Variants in TSPAN9 observed in about 807,000 individuals in gnomAD.
TSPAN9 encodes the protein tetraspanin-9.
TSPAN9 carries 16 observed loss-of-function variants against 31.0 expected under a neutral mutation model. The ratio of observed to expected loss-of-function variants is 0.52; its 90% confidence interval spans 0.35 to 0.78. The LOEUF is 0.78. Ranked by LOEUF, TSPAN9 falls within the 30% of genes least tolerant of loss-of-function variation. The pLI is 0.01. For missense variants in TSPAN9, 272 were observed against 312.5 expected, an observed-to-expected ratio of 0.87 and a Z score of 0.98; for synonymous variants, 145 against 121.6, an observed-to-expected ratio of 1.19 and a Z score of -1.27.
intron 2 of TSPAN9, among the ~76,000 whole-genome samples, chr12:3,150,211 T>C (rs1011768092): frequency 9.8e-5 from 15 of 152,376 alleles, no homozygotes; most frequent in African/African-American, 3.6e-4. Context: ...TCGGTCTGTT[T>C]CCGCCCCTCT....
intron 3 of TSPAN9, among the ~76,000 whole-genome samples, chr12:3,204,139 T>C (rs930193813): frequency 6.6e-6 from 1 of 152,096 alleles, no homozygotes. Context: ...GTGGCTCAGA[T>C]CCAAAAAGGA....
intron 2 of TSPAN9, 86 bp from the exon 3 acceptor site, chr12:3,201,087 AGGCC>A: frequency 1.6e-6 from 2 of 1,254,592 alleles, no homozygotes; most frequent in Non-Finnish European, 2.3e-6. Flanking sequence ...AGCCGCGCCG[AGGCC>A]GGCGTTAAGA....
intron 3 of TSPAN9, among the ~76,000 whole-genome samples, chr12:3,255,136 C>T (rs139544066): frequency 3.3e-4 from 50 of 152,328 alleles, no homozygotes; most frequent in African/African-American, 1.2e-3. Context: ...TAGCAAGGCA[C>T]GCAGCTGAGC....
At chr12:3,258,192 A>AG (rs2153978765) in intron 3 of TSPAN9, among the ~76,000 whole-genome samples, 1 of 152,256 alleles carries the variant, frequency 6.6e-6, no homozygotes, top group African/African-American at 2.4e-5. Context: ...AGAGAGGTGC[A>AG]GGGATGGCTT....
At chr12:3,175,592 C>T (rs1009019328) in intron 2 of TSPAN9, among the ~76,000 whole-genome samples, 22 of 146,198 alleles carry the variant, frequency 1.5e-4, no homozygotes, top group African/African-American at 4.8e-4. Context: ...AGAGCAAGAG[C>T]TGCACTTCCC....
At chr12:3,086,729 GCTAA>G (rs2098300701) in intron 2 of TSPAN9, among the ~76,000 whole-genome samples, 1 of 152,208 alleles carries the variant, frequency 6.6e-6, no homozygotes, top group South Asian at 2.1e-4. Flanking sequence ...TAGGATTGCT[GCTAA>G]CTCTCACAGC....
intron 3 of TSPAN9, among the ~76,000 whole-genome samples, chr12:3,259,114 A>G (rs1201328940): frequency 6.6e-6 from 1 of 152,206 alleles, no homozygotes; most frequent in Non-Finnish European, 1.5e-5. Flanking sequence ...TGCTGCTATC[A>G]TTTTCATTTT....
chr12:3,241,481 A>G (rs1221296978), intron 3 of TSPAN9, among the ~76,000 whole-genome samples: 1 of 152,260 alleles, frequency 6.6e-6, no homozygotes, highest in African/African-American at 2.4e-5. Flanking sequence ...GAAAAATGGT[A>G]TATGGTATGC....
chr12:3,224,341 A>G (rs2098386051), intron 3 of TSPAN9, among the ~76,000 whole-genome samples: 1 of 152,236 alleles, frequency 6.6e-6, no homozygotes, highest in South Asian at 2.1e-4. Context: ...AGGCGCCCTC[A>G]CGGGCTGGTG....
intron 3 of TSPAN9, among the ~76,000 whole-genome samples, chr12:3,270,774 C>T (rs543333777): frequency 1.3e-5 from 2 of 152,390 alleles, no homozygotes; most frequent in East Asian, 1.9e-4. Flanking sequence ...TCTCCTTCAT[C>T]GTGGACTCTT....
At chr12:3,230,432 G>A (rs2098390074) in intron 3 of TSPAN9, among the ~76,000 whole-genome samples, 1 of 151,878 alleles carries the variant, frequency 6.6e-6, no homozygotes, top group Non-Finnish European at 1.5e-5. Context: ...CTTTTTCCCT[G>A]CCTGCCTTCA....
Position 3,280,485 on chromosome 12 carries a change from T to A in TSPAN9, c.432+2T>A. On this transcript the variant is annotated splice_donor_variant, in intron 6 of 8. Transcript: ENST00000011898. LOFTEE classifies it high-confidence loss of function. The surrounding 1 kb of genome is among the most constrained non-coding windows in gnomAD (Gnocchi z 4.5). Reference sequence around the variant, plus strand: ...GCCTGGAACATCATCCAGGCTGAGGTGCGGGCTGGGCCGCCCTGGTGGGGC... The same window carrying A: ...GCCTGGAACATCATCCAGGCTGAGGAGCGGGCTGGGCCGCCCTGGTGGGGC... 6.2e-7 allele frequency: 1 copy of A among 1,609,966 alleles called. No individual in the cohort carries two copies. Among genetic ancestry groups the A allele is most frequent in the Non-Finnish European group, 8.5e-7 (1 of 1,179,470 alleles).
chr12:3,100,076 C>A (rs1182676453), intron 2 of TSPAN9, among the ~76,000 whole-genome samples: 1 of 152,008 alleles, frequency 6.6e-6, no homozygotes, highest in Non-Finnish European at 1.5e-5. Flanking sequence ...CTCCTGACCT[C>A]ATGGTGATCC....
At position 3,192,756 on chromosome 12, in the gene TSPAN9, G is replaced by C. The variant is rs1434877566; in HGVS notation, c.-17-8421G>C. Among the ~76,000 whole-genome samples the C allele has an allele frequency of 6.6e-6, 1 of 152,162 alleles. No individual in the cohort carries two copies. The highest frequency in any genetic ancestry group is 1.9e-4 in the East Asian group (1 of 5,180). On this transcript the variant is annotated intron_variant, in intron 2 of 8. Coordinates refer to ENST00000011898, the MANE Select transcript of TSPAN9 (RefSeq NM_006675.5). The surrounding 1 kb of genome is among the most constrained non-coding windows in gnomAD (Gnocchi z 4.6). ...GGAGATGGTCATATAGAGGAAAGTT[G>C]GGCAGAAGAGAAGAGGGCTCAGAGC...
chr12:3,122,190 C>T lies in TSPAN9; in HGVS notation c.-18+38471C>T, dbSNP rs189848062. 2.9e-3 allele frequency among the ~76,000 whole-genome samples: 434 copies of T among 151,964 alleles called. 2 individuals are homozygous for T. The highest frequency in any genetic ancestry group is 9.6e-3 in the African/African-American group (397 of 41,512). On this transcript the variant is annotated intron_variant, in intron 2 of 8. Coordinates refer to ENST00000011898, the MANE Select transcript of TSPAN9 (RefSeq NM_006675.5). ...TTCTACTAAAAATACAAAAATTAGC[C>T]GGGTGTGGTGGTGGGTGCCTGTAGT...
chr12:3,144,499 A>G (rs1288721379), intron 2 of TSPAN9, among the ~76,000 whole-genome samples: 2 of 152,194 alleles, frequency 1.3e-5, no homozygotes, highest in Non-Finnish European at 2.9e-5. Flanking sequence ...GATTCCCAGC[A>G]ATGACCAGAA....
In TSPAN9 at chr12:3,184,698, C is replaced by A. The variant is rs2098360258; in HGVS notation, c.-17-16479C>A. Among the ~76,000 whole-genome samples the A allele has an allele frequency of 1.3e-5, 2 of 152,206 alleles. 1 individual carries two copies. The highest frequency in any genetic ancestry group is 4.1e-4 in the South Asian group (2 of 4,826). On this transcript the variant is annotated intron_variant, in intron 2 of 8. Transcript: ENST00000011898. Reference sequence around the variant, plus strand: ...TGCCGGGAGCCCCGGGCATGTGTGACCCGTCCTGCCCTGCATGGTTTTGCT... The same window carrying A: ...TGCCGGGAGCCCCGGGCATGTGTGAACCGTCCTGCCCTGCATGGTTTTGCT...
At chr12:3,234,784 A>G (rs58550586) in intron 3 of TSPAN9, among the ~76,000 whole-genome samples, 4,574 of 152,154 alleles carry the variant, frequency 0.03, 211 homozygotes, top group African/African-American at 0.1. Flanking sequence ...ATATCATCTC[A>G]GTATCCCAGG....
chr12:3,177,136 A>G (rs2098356147), intron 2 of TSPAN9, among the ~76,000 whole-genome samples: 1 of 152,170 alleles, frequency 6.6e-6, no homozygotes, highest in African/African-American at 2.4e-5. Flanking sequence ...GTATTTTGTC[A>G]CTTAAAAAAA....
Sources: allele counts gnomAD v4.1 joint callset (sites outside exome capture counted in the v4.1 genomes callset), GRCh38; gene constraint gnomAD v4.1.1; non-coding constraint Gnocchi (gnomAD v3.1); transcripts MANE v1.5; gene names NCBI Gene and HGNC (gene_info 2026-07-23, HGNC 2026-07-21).